Variants in NAV2 observed in about 807,000 individuals in gnomAD.
NAV2 encodes helicase, APC down-regulated 1.
NAV2 carries 54 observed loss-of-function variants against 223.2 expected under a neutral mutation model. The observed-to-expected ratio is 0.24, with a 90% CI of 0.19 to 0.30. NAV2 has a LOEUF of 0.30. NAV2 is among the 10% of genes least tolerant of loss of function. NAV2 has a pLI of 1.00. For missense variants in NAV2, 2,806 were observed against 3,147.5 expected (o/e 0.89, Z 2.60); for synonymous variants, 1,279 against 1,239.3 (o/e 1.03, Z -0.67).
chr11:20,039,819 A>AT (rs1217848307), intron 12 of NAV2, among the ~76,000 whole-genome samples: 2 of 152,130 alleles, frequency 1.3e-5, no homozygotes, highest in Non-Finnish European at 2.9e-5. Flanking sequence ...ATGTCAGTTT[A>AT]TTTTTTGCTA....
intron 1 of NAV2, among the ~76,000 whole-genome samples, chr11:19,626,437 A>T (rs1373794814): frequency 6.6e-6 from 1 of 152,154 alleles, no homozygotes; most frequent in Non-Finnish European, 1.5e-5. Context: ...ACAGCTCTGT[A>T]GTATATTTTG....
At chr11:19,879,080 C>T (rs1305982972) in intron 4 of NAV2, among the ~76,000 whole-genome samples, 1 of 152,212 alleles carries the variant, frequency 6.6e-6, no homozygotes, top group Non-Finnish European at 1.5e-5. Flanking sequence ...TGGCCATCTG[C>T]ATCTAGCGTT....
Position 19,984,256 on chromosome 11 carries a change from G to C in NAV2, c.2768+9G>C. 1 of 1,613,852 alleles carries C rather than the reference G, an allele frequency of 6.2e-7. No individual in the cohort carries two copies. Among genetic ancestry groups the C allele is most frequent in the Non-Finnish European group, 8.5e-7 (1 of 1,179,964 alleles). On this transcript the variant is annotated intron_variant, in intron 11 of 37. Transcript: ENST00000349880. ...CTCGGAGACGCTGACAGGTAAGCTT[G>C]CTGCACTTGGGGCTGGTCAGATGCA...
chr11:19,627,354 A>T (rs1590720903), intron 1 of NAV2, among the ~76,000 whole-genome samples: 1 of 151,690 alleles, frequency 6.6e-6, no homozygotes, highest in Admixed American at 6.6e-5. Flanking sequence ...ACACCACTGC[A>T]CTCCAGCCTG....
At chr11:19,461,161 G>A (rs1228126941) in intron 1 of NAV2, among the ~76,000 whole-genome samples, 3 of 152,126 alleles carry the variant, frequency 2.0e-5, no homozygotes, top group African/African-American at 7.2e-5. Context: ...ACAGTGCTGA[G>A]TAAATGCCAC....
chr11:19,549,956 G>A (rs1188322988), intron 1 of NAV2, among the ~76,000 whole-genome samples: 1 of 152,224 alleles, frequency 6.6e-6, no homozygotes. Context: ...ATGGAGCAGG[G>A]AAAGCAAAAT....
chr11:20,018,807 T>C (rs1032312996), intron 11 of NAV2, among the ~76,000 whole-genome samples: 1 of 152,172 alleles, frequency 6.6e-6, no homozygotes, highest in Non-Finnish European at 1.5e-5. Flanking sequence ...TGGAATGTAA[T>C]TGGGCCAGAG....
At chr11:19,798,359 T>C (rs923312694) in intron 1 of NAV2, among the ~76,000 whole-genome samples, 3 of 152,228 alleles carry the variant, frequency 2.0e-5, no homozygotes, top group African/African-American at 7.2e-5. Flanking sequence ...TCTCCAAGCA[T>C]CTGGCCCATC....
chr11:19,401,673 G>A (rs932229638), intron 1 of NAV2, among the ~76,000 whole-genome samples: 2 of 152,132 alleles, frequency 1.3e-5, no homozygotes, highest in South Asian at 4.2e-4. Flanking sequence ...CACTCTGCAG[G>A]GAGCACTATG....
rs947020657 is a variant in NAV2 at position 19,880,196 on chromosome 11, G to A, written c.770+69G>A. 4 of 1,469,352 alleles carry A rather than the reference G, an allele frequency of 2.7e-6. No homozygotes were observed. The African/African-American group carries it at 5.7e-5, about 21-fold the overall frequency. 91.0% of individuals were successfully genotyped at this position (1,469,352 alleles called of 1,614,324 possible). A position where few individuals can be genotyped will look rare whatever the true frequency, so the allele number is the denominator to read the frequency against. Reference sequence around the variant, plus strand: ...TTCCTCCACCCCAACCAATCTCTAGGCTATCCTGTATGGCTTTTTCATTTG... The same window carrying A: ...TTCCTCCACCCCAACCAATCTCTAGACTATCCTGTATGGCTTTTTCATTTG... On this transcript the variant is annotated intron_variant, in intron 5 of 37. Coordinates refer to ENST00000349880, the MANE Select transcript of NAV2 (RefSeq NM_145117.5).
upstream of NAV2, among the ~76,000 whole-genome samples, chr11:19,350,295 C>T (rs1044718213): frequency 2.0e-5 from 3 of 152,106 alleles, no homozygotes; most frequent in African/African-American, 7.2e-5. Context: ...CTATGTGGCT[C>T]CAGATGGTGG....
At chr11:20,098,026 A>C (rs757583156) in intron 31 of NAV2, among the ~76,000 whole-genome samples, 1 of 152,194 alleles carries the variant, frequency 6.6e-6, no homozygotes, top group Admixed American at 6.5e-5. Context: ...CTGTTGAAAT[A>C]GGGCTTTACT....
At chr11:19,395,601 C>T (rs958294162) in intron 1 of NAV2, among the ~76,000 whole-genome samples, 2 of 152,216 alleles carry the variant, frequency 1.3e-5, no homozygotes, top group African/African-American at 4.8e-5. Context: ...CCACTACTGT[C>T]CTCAGGACAG....
chr11:20,118,486 CTTTAA>C lies in NAV2; in HGVS notation c.*231_*235del, dbSNP rs1485134207. On this transcript the variant is annotated 3_prime_UTR_variant, in exon 38 of 38. Transcript: ENST00000349880. ...GAGAACTGCACTACCTTCTGTTGTACTTTAATTATTGTTTTGCCTTGTTGCTGTGA... is the reference window on the plus strand; with the variant it reads ...GAGAACTGCACTACCTTCTGTTGTACTTATTGTTTTGCCTTGTTGCTGTGA... 2.0e-4 allele frequency: 101 copies of C among 499,280 alleles called. 1 individual carries two copies. Among genetic ancestry groups the C allele is most frequent in the African/African-American group, 1.6e-3 (84 of 51,054 alleles). 30.9% of individuals were successfully genotyped at this position (499,280 alleles called of 1,614,324 possible).
At chr11:19,426,000 G>A (rs10766557) in intron 1 of NAV2, among the ~76,000 whole-genome samples, 3 of 151,996 alleles carry the variant, frequency 2.0e-5, no homozygotes. Context: ...GAGTTACTGA[G>A]AGTTCTGATT....
intron 1 of NAV2, among the ~76,000 whole-genome samples, chr11:19,597,826 A>G (rs1194889021): frequency 6.6e-6 from 1 of 152,176 alleles, no homozygotes; most frequent in Non-Finnish European, 1.5e-5. Flanking sequence ...TGCGAGTTTC[A>G]CTGGGGTGCG....
intron 1 of NAV2, among the ~76,000 whole-genome samples, chr11:19,374,741 T>C (rs1848585780): frequency 6.6e-6 from 1 of 152,224 alleles, no homozygotes; most frequent in African/African-American, 2.4e-5. Context: ...GAGATCAGGA[T>C]GTGGACATTC....
intron 1 of NAV2, among the ~76,000 whole-genome samples, chr11:19,447,756 C>T (rs1329772860): frequency 2.0e-5 from 3 of 152,182 alleles, no homozygotes; most frequent in African/African-American, 7.2e-5. Context: ...CCGGGTAGAA[C>T]TGGGTTGACT....
chr11:19,866,169 A>G (rs1042683063), intron 3 of NAV2, among the ~76,000 whole-genome samples: 1 of 152,254 alleles, frequency 6.6e-6, no homozygotes, highest in African/African-American at 2.4e-5. Context: ...AAATAATCCT[A>G]TAACTCAGGG....
Sources: gnomAD v4.1 joint callset for allele counts (sites outside exome capture counted in the v4.1 genomes callset) on GRCh38, gnomAD v4.1.1 for gene constraint, MANE v1.5 for transcripts, NCBI Gene and HGNC (gene_info 2026-07-23, HGNC 2026-07-21) for gene names.